CUX1: variants seen among roughly 807,000 people sequenced by gnomAD.
The protein encoded by CUX1 is protein CASP.
Under a neutral mutation model 158.8 loss-of-function variants are expected in CUX1, and 31 were observed. That is an observed-to-expected ratio of 0.20 (90% CI 0.15 to 0.26). CUX1 has a LOEUF of 0.26. Among genes scored for constraint, CUX1 ranks in the 10% least tolerant of loss-of-function variants. The pLI is 1.00. For synonymous variants in CUX1, 879 were observed against 862.1 expected, an observed-to-expected ratio of 1.02 and a Z score of -0.34; for missense variants, 1,589 against 2,014.6, an observed-to-expected ratio of 0.79 and a Z score of 4.04.
chr7:102,085,209 TCTTA>T (rs782743738), intron 4 of CUX1, among the ~76,000 whole-genome samples: 2 of 152,330 alleles, frequency 1.3e-5, no homozygotes, highest in South Asian at 2.1e-4. Context: ...CTAGGATAAA[TCTTA>T]CTTAGCCATG....
intron 8 of CUX1, among the ~76,000 whole-genome samples, chr7:102,157,771 T>C (rs1408321496): frequency 6.6e-6 from 1 of 152,088 alleles, no homozygotes; most frequent in Non-Finnish European, 1.5e-5. Flanking sequence ...CAGAGCTCTG[T>C]CTCAAAACAA....
intron 9 of CUX1, among the ~76,000 whole-genome samples, chr7:102,162,959 GCA>G (rs1231614952): frequency 1.3e-5 from 2 of 152,160 alleles, no homozygotes; most frequent in African/African-American, 4.8e-5. Context: ...GGGGAATCAC[GCA>G]CAGAGTGGAC....
At chr7:102,279,216 C>G (rs1791865590) in intron 18 of CUX1, among the ~76,000 whole-genome samples, 2 of 152,124 alleles carry the variant, frequency 1.3e-5, no homozygotes, top group Admixed American at 1.3e-4. Context: ...TGTCATGCAC[C>G]TGTAATCCCA....
chr7:101,908,626 T>C (rs1803036245), intron 1 of CUX1, among the ~76,000 whole-genome samples: 1 of 152,186 alleles, frequency 6.6e-6, no homozygotes, highest in African/African-American at 2.4e-5. Flanking sequence ...CTCCCTTTTC[T>C]AAGCCCCCCA....
chr7:102,023,358 G>A (rs1476907222), intron 2 of CUX1, among the ~76,000 whole-genome samples: 2 of 152,194 alleles, frequency 1.3e-5, no homozygotes, highest in Admixed American at 1.3e-4. Context: ...CCAGTAAGTG[G>A]CAGAGTCTGC....
At chr7:101,938,156 A>C (rs927798568) in intron 2 of CUX1, among the ~76,000 whole-genome samples, 2 of 150,524 alleles carry the variant, frequency 1.3e-5, no homozygotes, top group Non-Finnish European at 2.9e-5. Context: ...TCTGTCACTC[A>C]GGCTGGAATG....
intron 20 of CUX1, among the ~76,000 whole-genome samples, chr7:102,221,133 C>T (rs1319507532): frequency 1.3e-5 from 2 of 152,150 alleles, no homozygotes; most frequent in African/African-American, 2.4e-5. Flanking sequence ...ATTGGAATTT[C>T]CTGGCTTGGC....
At chr7:102,224,218 T>G (rs1798126251) in intron 20 of CUX1, among the ~76,000 whole-genome samples, 1 of 152,072 alleles carries the variant, frequency 6.6e-6, no homozygotes, top group African/African-American at 2.4e-5. Flanking sequence ...ATTTATTTAT[T>G]TATTTAGAGA....
chr7:101,955,164 CA>C lies in CUX1; in HGVS notation c.141+38953del, dbSNP rs1182966143. Reference sequence around the variant, plus strand: ...TGGGTGACAGAGACAGATTCAGTCTCAAAAAAAAAAAAAATGCAGGTTCAAG... The same window carrying C: ...TGGGTGACAGAGACAGATTCAGTCTCAAAAAAAAAAAAATGCAGGTTCAAG... On this transcript the variant is annotated intron_variant, in intron 2 of 23. Transcript: ENST00000292535. 2.3e-3 allele frequency among the ~76,000 whole-genome samples: 302 copies of C among 133,206 alleles called. 1 individual carries two copies. Among genetic ancestry groups the C allele is most frequent in the African/African-American group, 4.1e-3 (148 of 35,872 alleles). 87.4% of individuals were successfully genotyped at this position (133,206 alleles called of 152,430 possible).
chr7:102,212,727 A>G (rs1554523509), intron 20 of CUX1, among the ~76,000 whole-genome samples: 1 of 151,462 alleles, frequency 6.6e-6, no homozygotes. Context: ...ATGCACCTAA[A>G]TATTTATTCC....
At chr7:102,151,852 C>T (rs143762111) in intron 8 of CUX1, among the ~76,000 whole-genome samples, 2 of 150,744 alleles carry the variant, frequency 1.3e-5, no homozygotes, top group African/African-American at 2.5e-5. Context: ...AGCCCCCGAT[C>T]GCACTTACTC....
chr7:101,836,684 C>CAAAAAAAAAAAAAAAAAAAAAAAAAAA (rs71755816), intron 1 of CUX1, among the ~76,000 whole-genome samples: 1 of 77,806 alleles, frequency 1.3e-5, no homozygotes. Flanking sequence ...GACTCCTTCT[C>CAAAAAAAAAAAAAAAAAAAAAAAAAAA]AAAAAAAAAA....
chr7:102,111,829 T>C (rs782115711), intron 7 of CUX1, 55 bp downstream of exon 7: 60 of 1,538,348 alleles, frequency 3.9e-5, no homozygotes, highest in Non-Finnish European at 5.0e-5. Context: ...AGGGGGAGAG[T>C]TGGGTCAGCC....
At chr7:102,229,251 G>GT (rs1318039688) in intron 21 of CUX1, among the ~76,000 whole-genome samples, 1 of 151,542 alleles carries the variant, frequency 6.6e-6, no homozygotes, top group Non-Finnish European at 1.5e-5. Flanking sequence ...TCTGTGCTCT[G>GT]TGTCACTGGT....
chr7:101,843,610 A>G (rs1012598973), intron 1 of CUX1, among the ~76,000 whole-genome samples: 1 of 152,128 alleles, frequency 6.6e-6, no homozygotes, highest in African/African-American at 2.4e-5. Flanking sequence ...TGATTTTTAA[A>G]TTCACTTACT....
chr7:102,196,603 C>G (rs1554518399), intron 14 of CUX1, 31 bp from the exon 15 acceptor site: 2 of 1,502,168 alleles, frequency 1.3e-6, no homozygotes, highest in African/African-American at 2.8e-5. Context: ...TGGAATCCCC[C>G]ATAATGCATT....
At chr7:102,018,974 G>T (rs1256956413) in intron 2 of CUX1, among the ~76,000 whole-genome samples, 1 of 152,174 alleles carries the variant, frequency 6.6e-6, no homozygotes, top group Non-Finnish European at 1.5e-5. Flanking sequence ...GATCTGGGGA[G>T]CCGGGAGTCC....
intron 8 of CUX1, among the ~76,000 whole-genome samples, chr7:102,117,230 T>C (rs1554492057): frequency 6.6e-6 from 1 of 151,774 alleles, no homozygotes; most frequent in African/African-American, 2.4e-5. Context: ...AAACCCCATC[T>C]CTACTAAAAA....
At chr7:101,881,977 A>G (rs1483673210) in intron 1 of CUX1, among the ~76,000 whole-genome samples, 1 of 150,772 alleles carries the variant, frequency 6.6e-6, no homozygotes, top group African/African-American at 2.4e-5. Context: ...CAGGAGTTTG[A>G]GACCAACCTT....
Sources: gnomAD v4.1 joint callset for allele counts (sites outside exome capture counted in the v4.1 genomes callset) on GRCh38, gnomAD v4.1.1 for gene constraint, MANE v1.5 for transcripts, NCBI Gene and HGNC (gene_info 2026-07-23, HGNC 2026-07-21) for gene names.